The following TMEM132C variants were observed in gnomAD, a reference collection of about 807,000 sequenced individuals.
TMEM132C encodes transmembrane protein 132C, also known as protein phosphatase 1, regulatory subunit 152.
Under a neutral mutation model 61.4 loss-of-function variants are expected in TMEM132C, and 29 were observed. The observed-to-expected ratio is 0.47, with a 90% CI of 0.35 to 0.64. The LOEUF is 0.64. TMEM132C is among the 30% of genes least tolerant of loss of function. The pLI is 0.00. For synonymous variants in TMEM132C, 656 were observed against 633.1 expected (o/e 1.04, Z -0.54); for missense variants, 1,408 against 1,476.9 (o/e 0.95, Z 0.76).
chr12:128,363,483 A>T (rs1873768159), intron 1 of TMEM132C, among the ~76,000 whole-genome samples: 1 of 152,144 alleles, frequency 6.6e-6, no homozygotes, highest in African/African-American at 2.4e-5. Flanking sequence ...AGTAAAGCTA[A>T]CAGAGTCAGT....
intron 5 of TMEM132C, 136 bp downstream of exon 5, chr12:128,669,696 C>A: frequency 8.9e-7 from 1 of 1,118,410 alleles, no homozygotes; most frequent in Non-Finnish European, 1.2e-6. Flanking sequence ...TCCAGCTGAT[C>A]CACTCAACGT....
At chr12:128,588,318 G>A (rs146710976) in intron 3 of TMEM132C, among the ~76,000 whole-genome samples, 352 of 152,282 alleles carry the variant, frequency 2.3e-3, no homozygotes, top group Non-Finnish European at 4.1e-3. Flanking sequence ...TGTAATCTCA[G>A]CTACTCAGGA....
intron 2 of TMEM132C, among the ~76,000 whole-genome samples, chr12:128,437,322 A>G (rs11613334): frequency 0.12 from 18,962 of 152,246 alleles, 1,221 homozygotes; most frequent in South Asian, 0.14. Context: ...CAAACCACTG[A>G]CTTATAAATA....
intron 1 of TMEM132C, among the ~76,000 whole-genome samples, chr12:128,309,838 C>A (rs758956645): frequency 6.6e-6 from 1 of 151,944 alleles, no homozygotes; most frequent in Non-Finnish European, 1.5e-5. Context: ...TGGCTTCAAG[C>A]GATTCCCCTG....
chr12:128,364,428 C>T (rs1022490610), intron 1 of TMEM132C, among the ~76,000 whole-genome samples: 19 of 152,190 alleles, frequency 1.2e-4, no homozygotes, highest in Non-Finnish European at 1.0e-4. Flanking sequence ...TCGGGGGACC[C>T]GTCGCTCACA....
chr12:128,698,963 G>A (rs1324043337), intron 8 of TMEM132C, among the ~76,000 whole-genome samples: 8 of 152,190 alleles, frequency 5.3e-5, no homozygotes, highest in African/African-American at 1.9e-4. Context: ...AGAACAGAGA[G>A]CAGTGATGGT....
chr12:128,654,918 G>C (rs925913777), intron 4 of TMEM132C, among the ~76,000 whole-genome samples: 3 of 152,182 alleles, frequency 2.0e-5, no homozygotes, highest in African/African-American at 7.2e-5. Context: ...TCAGGAGAGA[G>C]AGCTTCCTGA....
intron 4 of TMEM132C, among the ~76,000 whole-genome samples, chr12:128,634,516 G>T (rs1213774882): frequency 6.6e-6 from 1 of 152,208 alleles, no homozygotes; most frequent in Non-Finnish European, 1.5e-5. Context: ...CAAGGGAATG[G>T]CCCCAACACT....
At chr12:128,657,573 C>G (rs1954338979) in intron 4 of TMEM132C, among the ~76,000 whole-genome samples, 1 of 152,094 alleles carries the variant, frequency 6.6e-6, no homozygotes, top group African/African-American at 2.4e-5. Flanking sequence ...CTGATTGGAT[C>G]CTGGACCGTA....
At position 128,544,074 on chromosome 12, in the gene TMEM132C, C is replaced by T. The variant is rs561801857; in HGVS notation, c.1092C>T (p.Cys364=). 5.3e-4 allele frequency: 817 copies of T among 1,543,166 alleles called. 3 individuals are homozygous for T. The highest frequency in any genetic ancestry group is 2.3e-3 in the South Asian group (191 of 82,584). The change falls in exon 3 of 9, where the codon TGC becomes TGT. Residue 364 remains cysteine (C), a synonymous_variant. Coordinates refer to ENST00000435159, the MANE Select transcript of TMEM132C (RefSeq NM_001136103.3). Reference sequence around the variant, plus strand: ...AGCACGTGACGGCCACCGTGGCCTGCCAGCGCCTGGGGCCCAGCCCACGCA... The same window carrying T: ...AGCACGTGACGGCCACCGTGGCCTGTCAGCGCCTGGGGCCCAGCCCACGCA... ...GGKHVTATVA[C]QRLGPSPRNR...
chr12:128,352,888 A>G (rs1873386262), intron 1 of TMEM132C, among the ~76,000 whole-genome samples: 1 of 152,170 alleles, frequency 6.6e-6, no homozygotes, highest in Admixed American at 6.5e-5. Context: ...AAGGAAAGAA[A>G]TACCTTTTTC....
chr12:128,306,585 T>G (rs925193566), intron 1 of TMEM132C, among the ~76,000 whole-genome samples: 1 of 152,202 alleles, frequency 6.6e-6, no homozygotes, highest in South Asian at 2.1e-4. Flanking sequence ...TAAAGGCTAA[T>G]GAATGATTGA....
intron 1 of TMEM132C, among the ~76,000 whole-genome samples, chr12:128,298,281 C>G (rs889693085): frequency 6.6e-6 from 1 of 152,204 alleles, no homozygotes; most frequent in African/African-American, 2.4e-5. Context: ...CAGGTTCTCC[C>G]GCCCTCTCCT....
In TMEM132C at chr12:128,622,356, AAAAAATATATATATAT is replaced by A. The variant is rs1368771521; in HGVS notation, c.1305+6023_1305+6038del. Among the ~76,000 whole-genome samples, 451 of 59,214 alleles carry A rather than the reference AAAAAATATATATATAT, an allele frequency of 7.6e-3. 22 individuals are homozygous for A. Among genetic ancestry groups the A allele is most frequent in the African/African-American group, 0.036 (430 of 11,810 alleles). The allele number at this position is 59,214 out of a possible 152,430, so 38.8% of individuals were successfully genotyped here. A position where few individuals can be genotyped will look rare whatever the true frequency, so the allele number is the denominator to read the frequency against. ...GAGACTTTGTCTCAAAAAAAAAAAA[AAAAAATATATATATAT>A]ATATATATATATATATATATATATA... On this transcript the variant is annotated intron_variant, in intron 4 of 8. Transcript: ENST00000435159.
chr12:128,290,944 A>T (rs1871228350), intron 1 of TMEM132C, among the ~76,000 whole-genome samples: 1 of 152,242 alleles, frequency 6.6e-6, no homozygotes, highest in South Asian at 2.1e-4. Flanking sequence ...ATTCTGATGT[A>T]TACATATCCC....
chr12:128,499,854 G>T (rs1872098979), intron 2 of TMEM132C, among the ~76,000 whole-genome samples: 1 of 152,154 alleles, frequency 6.6e-6, no homozygotes, highest in African/African-American at 2.4e-5. Flanking sequence ...AAACATGGGG[G>T]TGCAGATTTC....
intron 1 of TMEM132C, among the ~76,000 whole-genome samples, chr12:128,393,674 A>G (rs1191387069): frequency 6.6e-6 from 1 of 151,832 alleles, no homozygotes; most frequent in Non-Finnish European, 1.5e-5. Context: ...TGATGCTTCG[A>G]GGTGCCAAGG....
chr12:128,595,310 G>C (rs1003645514), intron 3 of TMEM132C, among the ~76,000 whole-genome samples: 7 of 152,174 alleles, frequency 4.6e-5, no homozygotes, highest in African/African-American at 1.7e-4. Context: ...TGATTCTCAG[G>C]TAACCTGAGG....
rs1869603936 is a variant in TMEM132C, at chr12:128,436,693, TGGTG to T, written c.974+21076_974+21079del. On this transcript the variant is annotated intron_variant, in intron 2 of 8. Coordinates refer to ENST00000435159, the MANE Select transcript of TMEM132C (RefSeq NM_001136103.3). ...AGAAATAGGAACGCTTTTACACTGT[TGGTG>T]GGAGTGTAAACTAGTTCAATCATTG... 1.3e-5 allele frequency among the ~76,000 whole-genome samples: 2 copies of T among 152,212 alleles called. 1 individual carries two copies. Among genetic ancestry groups the T allele is most frequent in the South Asian group, 4.1e-4 (2 of 4,834 alleles).
Sources: allele counts gnomAD v4.1 joint callset (sites outside exome capture counted in the v4.1 genomes callset), GRCh38; gene constraint gnomAD v4.1.1; transcripts MANE v1.5; gene names NCBI Gene and HGNC (gene_info 2026-07-23, HGNC 2026-07-21).